The following RGS7 variants were observed in gnomAD, a reference collection of about 807,000 sequenced individuals.
RGS7 encodes the protein regulator of G-protein signaling 7.
Under a neutral mutation model 81.1 loss-of-function variants are expected in RGS7, and 27 were observed. The observed-to-expected ratio is 0.33, with a 90% CI of 0.25 to 0.46. The LOEUF (loss-of-function observed/expected upper bound fraction) is 0.46. Among genes scored for constraint, RGS7 ranks in the 20% least tolerant of loss-of-function variants. The pLI is 1.00. For missense variants in RGS7, 396 were observed against 607.4 expected (o/e 0.65, Z 3.66); for synonymous variants, 208 against 207.7 (o/e 1.00, Z -0.01).
chr1:241,064,344 G>C (rs1369550283), intron 3 of RGS7, among the ~76,000 whole-genome samples: 1 of 151,614 alleles, frequency 6.6e-6, no homozygotes, highest in East Asian at 1.9e-4. Context: ...CCAGCACTTT[G>C]GGAGGCCGAG....
In RGS7 at chr1:240,782,992, G is replaced by A. The variant is rs562544780; in HGVS notation, c.*7-6779C>T. ...ATAACAAAAACTCAAGATCCTGTGA[G>A]ATTTTGTAATATCTGGTTAATGGAA... On this transcript the variant is annotated intron_variant, in intron 18 of 18. Coordinates refer to ENST00000440928, the MANE Select transcript of RGS7 (RefSeq NM_001364886.1). Among the ~76,000 whole-genome samples the A allele has an allele frequency of 8.8e-4, 134 of 152,274 alleles. 1 individual carries two copies. Among genetic ancestry groups the A allele is most frequent in the African/African-American group, 3.0e-3 (126 of 41,560 alleles).
chr1:241,035,438 T>C lies in RGS7; in HGVS notation c.176-52309A>G, dbSNP rs140674028. ...TCGGAGAAGGGAACATCATTTCTGG[T>C]TGGGATAATTATGAAACATTTCGGA... is the stretch of plus-strand genomic sequence containing the variant. On this transcript the variant is annotated intron_variant, in intron 3 of 18. Coordinates refer to ENST00000440928, the MANE Select transcript of RGS7 (RefSeq NM_001364886.1). Among the ~76,000 whole-genome samples the C allele has an allele frequency of 2.6e-3, 392 of 152,250 alleles. 1 individual carries two copies. The highest frequency in any genetic ancestry group is 8.6e-3 in the African/African-American group (359 of 41,544).
chr1:240,951,959 CA>C (rs1323060604), intron 4 of RGS7, among the ~76,000 whole-genome samples: 1 of 151,470 alleles, frequency 6.6e-6, no homozygotes, highest in African/African-American at 2.4e-5. Context: ...ACTATGTGGG[CA>C]AAAAAGAGAA....
intron 2 of RGS7, among the ~76,000 whole-genome samples, chr1:241,249,244 G>C (rs144155746): frequency 6.6e-6 from 1 of 151,502 alleles, no homozygotes; most frequent in Non-Finnish European, 1.5e-5. Flanking sequence ...TTCAGGTTTC[G>C]ATTTTCACTA....
chr1:240,912,830 C>T (rs1452415820), intron 6 of RGS7, among the ~76,000 whole-genome samples: 1 of 152,030 alleles, frequency 6.6e-6, no homozygotes, highest in Non-Finnish European at 1.5e-5. Context: ...AATGTAAAGA[C>T]ACGAAATAAA....
intron 9 of RGS7, among the ~76,000 whole-genome samples, chr1:240,834,803 G>A (rs958707931): frequency 2.0e-5 from 3 of 152,040 alleles, no homozygotes; most frequent in Non-Finnish European, 4.4e-5. Flanking sequence ...GAGCCACCGC[G>A]CCCAGCCCGA....
chr1:241,332,995 AG>A (rs1311324870), intron 2 of RGS7, among the ~76,000 whole-genome samples: 2 of 152,206 alleles, frequency 1.3e-5, no homozygotes, highest in Non-Finnish European at 2.9e-5. Flanking sequence ...TGTCGGGCTG[AG>A]CCCTCCACTC....
chr1:241,122,482 G>A (rs1165829046), intron 2 of RGS7, among the ~76,000 whole-genome samples: 3 of 151,950 alleles, frequency 2.0e-5, no homozygotes, highest in African/African-American at 7.3e-5. Flanking sequence ...GACTAACATG[G>A]TGAAACCCCA....
intron 3 of RGS7, among the ~76,000 whole-genome samples, chr1:241,057,436 T>C (rs575833147): frequency 6.6e-6 from 1 of 152,334 alleles, no homozygotes; most frequent in African/African-American, 2.4e-5. Context: ...AGTTAATCTT[T>C]GCAAAAAACT....
chr1:241,252,390 G>A (rs1328354166), intron 2 of RGS7, among the ~76,000 whole-genome samples: 1 of 152,176 alleles, frequency 6.6e-6, no homozygotes, highest in African/African-American at 2.4e-5. Context: ...AACAGATGAT[G>A]AAAGAAGAAC....
chr1:240,829,787 A>G (rs181465756), intron 9 of RGS7, among the ~76,000 whole-genome samples: 1 of 152,216 alleles, frequency 6.6e-6, no homozygotes, highest in Non-Finnish European at 1.5e-5. Context: ...ATAGGGTGAG[A>G]TTCTGTCTCT....
chr1:240,967,581 G>GA (rs149860484), intron 4 of RGS7, among the ~76,000 whole-genome samples: 3,282 of 138,976 alleles, frequency 0.024, 83 homozygotes, highest in African/African-American at 0.051. Context: ...GGGGGGGGGG[G>GA]AAAAGGCTGT....
chr1:240,932,473 G>T (rs1675620361), intron 5 of RGS7, among the ~76,000 whole-genome samples: 3 of 150,648 alleles, frequency 2.0e-5, no homozygotes, highest in Non-Finnish European at 4.4e-5. Flanking sequence ...AGCCCTAGGG[G>T]GACAAAGTAG....
At chr1:241,235,671 T>A (rs1207360411) in intron 2 of RGS7, among the ~76,000 whole-genome samples, 4 of 78,368 alleles carry the variant, frequency 5.1e-5, no homozygotes, top group South Asian at 5.1e-4. Context: ...TCTCTTTCTC[T>A]CTCTCTTTCT....
intron 6 of RGS7, among the ~76,000 whole-genome samples, chr1:240,930,222 C>CT (rs10676730): frequency 0.34 from 39,212 of 113,804 alleles, 6,780 homozygotes; most frequent in South Asian, 0.46. Context: ...TCTTTTTTAG[C>CT]TTTTTTTTTT....
chr1:240,961,294 T>C (rs929914739), intron 4 of RGS7, among the ~76,000 whole-genome samples: 1 of 138,908 alleles, frequency 7.2e-6, no homozygotes, highest in Non-Finnish European at 1.5e-5. Context: ...CATATCAATA[T>C]TTTACTTCCT....
At chr1:240,876,221 G>T (rs1665387600) in intron 6 of RGS7, among the ~76,000 whole-genome samples, 1 of 152,194 alleles carries the variant, frequency 6.6e-6, no homozygotes, top group African/African-American at 2.4e-5. Flanking sequence ...GTTCCCAGGG[G>T]TGCGTGACTC....
At chr1:240,951,975 G>GT (rs1679641278) in intron 4 of RGS7, among the ~76,000 whole-genome samples, 1 of 152,104 alleles carries the variant, frequency 6.6e-6, no homozygotes, top group Non-Finnish European at 1.5e-5. Flanking sequence ...AGAGAATACA[G>GT]TGAAATATGT....
At chr1:241,078,485 A>ATATGTGTGTGTGTGTGTG (rs145183501) in intron 3 of RGS7, among the ~76,000 whole-genome samples, 1,742 of 143,576 alleles carry the variant, frequency 0.012, 46 homozygotes, top group African/African-American at 0.038. Flanking sequence ...CACGTAAGTT[A>ATATGTGTGTGTGTGTGTG]TGTGTGTGTG....
Sources: allele counts gnomAD v4.1 joint callset (sites outside exome capture counted in the v4.1 genomes callset), GRCh38; gene constraint gnomAD v4.1.1; transcripts MANE v1.5; gene names NCBI Gene and HGNC (gene_info 2026-07-23, HGNC 2026-07-21).